Variants in RRP8 observed in about 807,000 individuals in gnomAD.
RRP8 encodes ribosomal RNA processing 8.
A neutral mutation model predicts 45.0 loss-of-function variants in RRP8; 48 were observed. The observed-to-expected ratio is 1.07, with a 90% CI of 0.85 to 1.36. The LOEUF (loss-of-function observed/expected upper bound fraction) is 1.36. Ranked by LOEUF, RRP8 falls within the 40% of genes most tolerant of loss-of-function variation. RRP8 has a pLI of 0.00. For missense variants in RRP8, 658 were observed against 573.7 expected (o/e 1.15, Z -1.50); for synonymous variants, 274 against 212.4 (o/e 1.29, Z -2.52).
In RRP8 at chr11:6,601,557, T is replaced by C. The variant is rs377234642; in HGVS notation, c.509A>G (p.Gln170Arg). 2.5e-6 allele frequency: 4 copies of C among 1,605,500 alleles called. No individual in the cohort carries two copies. In the African/African-American group the frequency reaches 5.3e-5, roughly 21 times the overall value. ...TTTAGGGGAAGTGGACCCAGGGCTT[T>C]GCTTTGGTGGATCATTTGTAGTACT... ...KGSTTNDPPK[Q>R]SPGSTSPKPP... The change falls in exon 3 of 7, where the codon CAA (glutamine) becomes CGA (arginine). Residue 170 changes from glutamine to arginine, a missense_variant. Coordinates refer to ENST00000254605, the MANE Select transcript of RRP8 (RefSeq NM_015324.4).
chr11:6,600,310 C>A, intron 6 of RRP8, 45 bp from the exon 7 acceptor site: 1 of 1,393,380 alleles, frequency 7.2e-7, no homozygotes. Context: ...CTCATCCCAA[C>A]TCCTTAAAAC....
chr11:6,600,176 C>T lies in RRP8; in HGVS notation c.1341G>A (p.Gln447=). 5 of 1,602,056 alleles carry T rather than the reference C, an allele frequency of 3.1e-6. No homozygotes were observed. Among genetic ancestry groups the T allele is most frequent in the Non-Finnish European group, 4.3e-6 (5 of 1,176,092 alleles). ...TGCGCTTGTAGAGACATGGCTGAAG[C>T]TGCAGGCCTGAAAGCTGAGCCTTGG... ...VGPKAQLSGL[Q]LQPCLYKRR Residue 447 remains glutamine (Q), a synonymous_variant, in exon 7 of 7, where the codon CAG becomes CAA. Coordinates refer to ENST00000254605, the MANE Select transcript of RRP8 (RefSeq NM_015324.4).
rs960577837 is a variant in RRP8, at chr11:6,601,783, G to C, written c.463+69C>G. On this transcript the variant is annotated intron_variant, in intron 2 of 6. Transcript: ENST00000254605. Reference sequence around the variant, plus strand: ...CTAATGGCAGTGGATAATCACTCTTGTATGTAGAACCAGCTGACCCCCCGA... The same window carrying C: ...CTAATGGCAGTGGATAATCACTCTTCTATGTAGAACCAGCTGACCCCCCGA... 4.2e-5 allele frequency: 64 copies of C among 1,510,264 alleles called. 1 individual carries two copies. Among genetic ancestry groups the C allele is most frequent in the Non-Finnish European group, 5.0e-5 (56 of 1,127,678 alleles). The allele number at this position is 1,510,264 out of a possible 1,614,324, so 93.6% of individuals were successfully genotyped here. A position where few individuals can be genotyped will look rare whatever the true frequency, so the allele number is the denominator to read the frequency against.
intron 1 of RRP8, 74 bp downstream of exon 1, chr11:6,603,330 C>G: frequency 9.0e-7 from 1 of 1,111,944 alleles, no homozygotes; most frequent in South Asian, 1.4e-5. Flanking sequence ...CCCCGCAATA[C>G]ACACAGCGCT....
Position 6,601,890 on chromosome 11 carries a change from A to G in RRP8, c.425T>C (p.Ile142Thr). Residue 142 changes from isoleucine (I) to threonine (T), a missense_variant, in exon 2 of 7, where the codon ATA (isoleucine) becomes ACA (threonine). Transcript: ENST00000254605. ...ATTGTCCAGGTGCTGGGCTGAATTTATAGGGGCATGTTTCTGGCATTTCCT... is the reference window on the plus strand; with the variant it reads ...ATTGTCCAGGTGCTGGGCTGAATTTGTAGGGGCATGTTTCTGGCATTTCCT... ...RKRKCQKHAP[I>T]NSAQHLDNVD... is the part of the protein sequence containing the mutation. 1.2e-6 allele frequency: 2 copies of G among 1,613,926 alleles called. No individual in the cohort carries two copies. Among genetic ancestry groups the G allele is most frequent in the Non-Finnish European group, 1.7e-6 (2 of 1,179,916 alleles).
At chr11:6,600,410 C>G (rs1340274445) in intron 6 of RRP8, 76 bp downstream of exon 6, 4 of 1,448,370 alleles carry the variant, frequency 2.8e-6, no homozygotes, top group Non-Finnish European at 3.8e-6. Flanking sequence ...GTGCCTAAAG[C>G]CTCCTTCCTG....
intron 1 of RRP8, among the ~76,000 whole-genome samples, chr11:6,603,009 C>T (rs1397083068): frequency 1.3e-5 from 2 of 152,240 alleles, no homozygotes; most frequent in African/African-American, 4.8e-5. Context: ...AGAAATAATT[C>T]CATTGCTTAA....
At chr11:6,600,896 G>T in intron 4 of RRP8, 30 bp downstream of exon 4, 1 of 1,613,836 alleles carries the variant, frequency 6.2e-7, no homozygotes, top group African/African-American at 1.3e-5. Flanking sequence ...GTTGGCCCTA[G>T]AGCACAAGCC....
Position 6,602,239 on chromosome 11 carries a change from G to C in RRP8, c.100-24C>G, listed in dbSNP as rs764215106. The C allele has an allele frequency of 1.2e-5, 18 of 1,528,846 alleles. No homozygotes were observed. The South Asian group carries it at 2.4e-4, about 20-fold the overall frequency. 94.7% of individuals were successfully genotyped at this position (1,528,846 alleles called of 1,614,324 possible). On this transcript the variant is annotated intron_variant, in intron 1 of 6. Coordinates refer to ENST00000254605, the MANE Select transcript of RRP8 (RefSeq NM_015324.4). ...CCCTGGAGGAAAACAGGGGATGACA[G>C]TGGGCCTAAAGAGAATGGATGAGGC...
chr11:6,601,018 C>G lies in RRP8; in HGVS notation c.955G>C (p.Asp319His). 6.2e-7 allele frequency: 1 copy of G among 1,614,208 alleles called. No homozygotes were observed. Among genetic ancestry groups the G allele is most frequent in the Non-Finnish European group, 8.5e-7 (1 of 1,180,036 alleles). Residue 319 changes from aspartate (D) to histidine (H), a missense_variant, in exon 4 of 7, where the codon GAT (aspartate) becomes CAT (histidine). Transcript: ENST00000254605. ...CGGATACTTGAAGCCAAGCGGCAAT[C>G]CCCACAGCCGAAGTCAGCCACCACT... ...SLVVADFGCG[D>H]CRLASSIRNP...
chr11:6,600,815 G>T (rs985281645), intron 4 of RRP8, 40 bp from the exon 5 acceptor site: 1 of 1,608,472 alleles, frequency 6.2e-7, no homozygotes, highest in Non-Finnish European at 8.5e-7. Context: ...ACACAGTGCA[G>T]AAGAAGAAAG....
Position 6,600,731 on chromosome 11 carries a change from A to G in RRP8, c.1092T>C (p.Leu364=), listed in dbSNP as rs963228219. The change falls in exon 5 of 7, where the codon CTT becomes CTC. Residue 364 remains leucine, a synonymous_variant. Coordinates refer to ENST00000254605, the MANE Select transcript of RRP8 (RefSeq NM_015324.4). ...CCCTGATGTTGGTTCCCATCAGTGA[A>G]AGGCAAAACACAGCCACATCCACAG... ...DESVDVAVFC[L]SLMGTNIRDF... The G allele has an allele frequency of 4.3e-6, 7 of 1,614,124 alleles. No individual in the cohort carries two copies.
rs762073638 is a variant in RRP8 at position 6,600,975 on chromosome 11, A to G, written c.998T>C (p.Phe333Ser). 1.9e-6 allele frequency: 3 copies of G among 1,614,202 alleles called. No individual in the cohort carries two copies. In the South Asian group the frequency reaches 3.3e-5, roughly 18 times the overall value. The change falls in exon 4 of 7, where the codon TTT becomes TCT. Residue 333 changes from phenylalanine (F) to serine (S), a missense_variant. By Grantham distance (155) the Phe-to-Ser change is radical. Coordinates refer to ENST00000254605, the MANE Select transcript of RRP8 (RefSeq NM_015324.4). ...CCTAGGGTCCAGAGAAGCCAAGTCA[A>G]AGCAATGCACAGGGTTCCGGATACT... ...ASSIRNPVHC[F>S]DLASLDPRVT... is the part of the protein sequence containing the mutation.
At position 6,598,385 on chromosome 11, in the gene RRP8, A is replaced by C. The variant is rs953558878; in HGVS notation, c.*1761T>G. ...ACTCAACTGGACCCTGTCATTCCTT[A>C]TCTCTCCCTAGGTGAATAAGTACAC... On this transcript the variant is annotated 3_prime_UTR_variant, in exon 7 of 7. Coordinates refer to ENST00000254605, the MANE Select transcript of RRP8 (RefSeq NM_015324.4). 1 of 152,154 alleles carries C rather than the reference A, an allele frequency of 6.6e-6. No individual in the cohort carries two copies. Among genetic ancestry groups the C allele is most frequent in the Non-Finnish European group, 1.5e-5 (1 of 68,056 alleles). The allele number at this position is 152,154 out of a possible 1,614,324, so 9.4% of individuals were successfully genotyped here.
Position 6,600,584 on chromosome 11 carries a change from TGAGA to T in RRP8, c.1155-6_1155-3del. 1 of 1,613,954 alleles carries T rather than the reference TGAGA, an allele frequency of 6.2e-7. No homozygotes were observed. The highest frequency in any genetic ancestry group is 8.5e-7 in the Non-Finnish European group (1 of 1,179,838). ...ACCTCAGCCACTTTCAGGAGACCCC[TGAGA>T]AAGACAGAAAGTTCTGTGTAAGTGC... On this transcript the variant is annotated splice_region_variant and splice_polypyrimidine_tract_variant and intron_variant, in intron 5 of 6. Coordinates refer to ENST00000254605, the MANE Select transcript of RRP8 (RefSeq NM_015324.4).
At position 6,600,565 on chromosome 11, in the gene RRP8, G is replaced by C. The variant is rs1332809065; in HGVS notation, c.1172C>G (p.Ala391Gly). 1 of 1,614,018 alleles carries C rather than the reference G, an allele frequency of 6.2e-7. No individual in the cohort carries two copies. Among genetic ancestry groups the C allele is most frequent in the African/African-American group, 1.3e-5 (1 of 74,942 alleles). The change falls in exon 6 of 7, where the codon GCT (alanine) becomes GGT (glycine). Residue 391 changes from alanine (A) to glycine (G), a missense_variant. By Grantham distance (60) the Ala-to-Gly change is moderately conservative. Transcript: ENST00000254605. Reference protein sequence around the residue: ...VLKPGGLLKVAEVSSRFEDVR... With the variant: ...VLKPGGLLKVGEVSSRFEDVR... ...ATCCTCAAAGCGGCTGCTGACCTCA[G>C]CCACTTTCAGGAGACCCCTGAGAAA...
chr11:6,601,824 A>G (rs745734997), intron 2 of RRP8, 28 bp downstream of exon 2: 2 of 1,573,878 alleles, frequency 1.3e-6, no homozygotes, highest in South Asian at 1.2e-5. Flanking sequence ...ACACACCAAC[A>G]CACACACATA....
At chr11:6,602,722 G>A (rs560529138) in intron 1 of RRP8, among the ~76,000 whole-genome samples, 1 of 152,328 alleles carries the variant, frequency 6.6e-6, no homozygotes, top group South Asian at 2.1e-4. Context: ...TGAAAAAGGA[G>A]GAAACAAAGC....
Position 6,596,774 on chromosome 11 carries a change from C to G in RRP8, c.*3372G>C, listed in dbSNP as rs993477386. On this transcript the variant is annotated 3_prime_UTR_variant, in exon 7 of 7. Transcript: ENST00000254605. ...TGTCTCTGCCAAGATCATGTTGTTT[C>G]TTTTAGAACTGTGTTCCCTTAGGAC... 2 of 152,120 alleles carry G rather than the reference C, an allele frequency of 1.3e-5. No individual in the cohort carries two copies. Among genetic ancestry groups the G allele is most frequent in the Non-Finnish European group, 1.5e-5 (1 of 68,052 alleles). The allele number at this position is 152,120 out of a possible 1,614,324, so 9.4% of individuals were successfully genotyped here. A position where few individuals can be genotyped will look rare whatever the true frequency, so the allele number is the denominator to read the frequency against.
Sources: gnomAD v4.1 joint callset for allele counts (sites outside exome capture counted in the v4.1 genomes callset) on GRCh38, gnomAD v4.1.1 for gene constraint, MANE v1.5 for transcripts, NCBI Gene and HGNC (gene_info 2026-07-23, HGNC 2026-07-21) for gene names.